The following GRM1 variants were observed in gnomAD, a reference collection of about 807,000 sequenced individuals.
The protein encoded by GRM1 is metabotropic glutamate receptor 1.
A neutral mutation model predicts 90.9 loss-of-function variants in GRM1; 33 were observed. That is an observed-to-expected ratio of 0.36 (90% CI 0.28 to 0.49). The LOEUF is 0.49. Among genes scored for constraint, GRM1 ranks in the 20% least tolerant of loss-of-function variants. GRM1 has a pLI of 0.99. For missense variants in GRM1, 1,190 were observed against 1,534.3 expected (o/e 0.78, Z 3.75); for synonymous variants, 700 against 613.2 (o/e 1.14, Z -2.09).
At chr6:146,146,952 C>T (rs537160799) in intron 1 of GRM1, among the ~76,000 whole-genome samples, 2 of 152,348 alleles carry the variant, frequency 1.3e-5, no homozygotes, top group South Asian at 4.1e-4. Flanking sequence ...ATGGCTGCTA[C>T]ACCTCCAGGC....
intron 2 of GRM1, among the ~76,000 whole-genome samples, chr6:146,203,156 A>G (rs571782494): frequency 1.3e-5 from 2 of 151,908 alleles, no homozygotes; most frequent in African/African-American, 2.4e-5. Context: ...ATAGCGCCAC[A>G]TCACTCCAGC....
chr6:146,399,745 GTCTCTT>G lies in GRM1; in HGVS notation c.2660+52_2660+57del. On this transcript the variant is annotated intron_variant, in intron 7 of 7. Coordinates refer to ENST00000282753, the MANE Select transcript of GRM1 (RefSeq NM_001278064.2). The surrounding 1 kb of genome is among the most constrained non-coding windows in gnomAD (Gnocchi z 5.4). ...GTCTCTCTTTTCTCTTCCTTTCTCT[GTCTCTT>G]TCTCTCTCTCTCTCTCTCTCTCTTT... 3 of 1,299,658 alleles carry G rather than the reference GTCTCTT, an allele frequency of 2.3e-6. No individual in the cohort carries two copies. Among genetic ancestry groups the G allele is most frequent in the African/African-American group, 3.2e-5 (2 of 63,184 alleles). The allele number at this position is 1,299,658 out of a possible 1,614,324, so 80.5% of individuals were successfully genotyped here.
intron 2 of GRM1, among the ~76,000 whole-genome samples, chr6:146,214,811 G>A (rs570334293): frequency 6.6e-6 from 1 of 152,140 alleles, no homozygotes. Context: ...AGAGGGAAAT[G>A]CATGAAGTTC....
At chr6:146,074,340 G>T (rs1194290445) in intron 1 of GRM1, among the ~76,000 whole-genome samples, 2 of 152,224 alleles carry the variant, frequency 1.3e-5, no homozygotes, top group African/African-American at 4.8e-5. Context: ...CACAGGAGGA[G>T]TTTAAGAAGA....
intron 3 of GRM1, among the ~76,000 whole-genome samples, chr6:146,312,948 T>C (rs1442300047): frequency 6.6e-6 from 1 of 152,256 alleles, no homozygotes; most frequent in African/African-American, 2.4e-5. Flanking sequence ...CATGTCATTT[T>C]TAATATTGGA....
chr6:146,253,750 A>C (rs968943334), intron 2 of GRM1, among the ~76,000 whole-genome samples: 2 of 152,180 alleles, frequency 1.3e-5, no homozygotes, highest in Non-Finnish European at 2.9e-5. Context: ...ACTCAAACAA[A>C]ATAAGAACTA....
chr6:146,288,666 C>T (rs1056737671), intron 2 of GRM1, among the ~76,000 whole-genome samples: 9 of 151,960 alleles, frequency 5.9e-5, no homozygotes, highest in Non-Finnish European at 7.4e-5. Flanking sequence ...CCACCATGCC[C>T]GGCTAATTTT....
chr6:146,055,068 G>C (rs2128850761), intron 1 of GRM1, among the ~76,000 whole-genome samples: 1 of 152,182 alleles, frequency 6.6e-6, no homozygotes, highest in African/African-American at 2.4e-5. Flanking sequence ...TGCATTTCTT[G>C]TTCATACTGT....
chr6:146,256,898 G>A (rs1336472002), intron 2 of GRM1, among the ~76,000 whole-genome samples: 2 of 152,072 alleles, frequency 1.3e-5, no homozygotes, highest in African/African-American at 4.8e-5. Flanking sequence ...GGTGTTCATG[G>A]CCCTCTACTG....
intron 1 of GRM1, among the ~76,000 whole-genome samples, chr6:146,100,920 A>C (rs1028730309): frequency 1.3e-5 from 2 of 152,216 alleles, no homozygotes; most frequent in Non-Finnish European, 2.9e-5. Context: ...CAACATAGTG[A>C]GATCCTGTTT....
chr6:146,413,682 A>G (rs927444613), intron 7 of GRM1, among the ~76,000 whole-genome samples: 1 of 152,202 alleles, frequency 6.6e-6, no homozygotes, highest in Non-Finnish European at 1.5e-5. Context: ...AACCTAGGAC[A>G]TTGCCCTCAC....
intron 1 of GRM1, among the ~76,000 whole-genome samples, chr6:146,042,936 G>T (rs1791169827): frequency 6.6e-6 from 1 of 151,950 alleles, no homozygotes; most frequent in South Asian, 2.1e-4. Context: ...CTCTCAAAGG[G>T]CCAGATAAGA....
Position 146,430,001 on chromosome 6 carries a change from C to T in GRM1, c.2661-3871C>T, listed in dbSNP as rs577672142. 3.4e-4 allele frequency among the ~76,000 whole-genome samples: 52 copies of T among 152,198 alleles called. 1 individual carries two copies. Among genetic ancestry groups the T allele is most frequent in the Non-Finnish European group, 6.0e-4 (41 of 68,012 alleles). On this transcript the variant is annotated intron_variant, in intron 7 of 7. Coordinates refer to ENST00000282753, the MANE Select transcript of GRM1 (RefSeq NM_001278064.2). ...TTCAGGCAGTTTGTGCAGGAGGCTT[C>T]CCTCCTGATGATCTCAAACACCCAC...
At chr6:146,093,916 G>C (rs1385260756) in intron 1 of GRM1, among the ~76,000 whole-genome samples, 1 of 152,020 alleles carries the variant, frequency 6.6e-6, no homozygotes, top group African/African-American at 2.4e-5. Context: ...ACTGTATTAA[G>C]AAGTCTCAGA....
In GRM1 at chr6:146,117,111, G is replaced by A. The variant is rs908859510; in HGVS notation, c.701-42237G>A. On this transcript the variant is annotated intron_variant, in intron 1 of 7. Coordinates refer to ENST00000282753, the MANE Select transcript of GRM1 (RefSeq NM_001278064.2). ...CTATTCTATGAATTTCTGTGTTTTT[G>A]TTTATAAGTTTCTCTTTCAATTTTC... is the stretch of plus-strand genomic sequence containing the variant. Among the ~76,000 whole-genome samples the A allele has an allele frequency of 8.1e-5, 12 of 148,732 alleles. No individual in the cohort carries two copies. In the East Asian group the frequency reaches 2.4e-3, roughly 29 times the overall value.
intron 2 of GRM1, among the ~76,000 whole-genome samples, chr6:146,257,494 T>A (rs1781523600): frequency 6.6e-6 from 1 of 150,704 alleles, no homozygotes; most frequent in Non-Finnish European, 1.5e-5. Flanking sequence ...CGTATGTGTG[T>A]GTCTGTCTGT....
intron 5 of GRM1, among the ~76,000 whole-genome samples, chr6:146,376,220 T>C (rs956584094): frequency 3.9e-5 from 6 of 152,182 alleles, no homozygotes; most frequent in African/African-American, 1.4e-4. Context: ...TCTATATTTA[T>C]CTTATTATAT....
chr6:146,300,949 C>T (rs1410122707), intron 2 of GRM1, among the ~76,000 whole-genome samples: 1 of 152,114 alleles, frequency 6.6e-6, no homozygotes, highest in East Asian at 1.9e-4. Flanking sequence ...AACGAAACAG[C>T]AAAAATCCTT....
intron 5 of GRM1, among the ~76,000 whole-genome samples, chr6:146,365,845 C>T (rs1309500522): frequency 6.6e-6 from 1 of 152,130 alleles, no homozygotes; most frequent in East Asian, 1.9e-4. Flanking sequence ...GAGGCAGGCA[C>T]CTATGGTACA....
Sources: allele counts gnomAD v4.1 joint callset (sites outside exome capture counted in the v4.1 genomes callset), GRCh38; gene constraint gnomAD v4.1.1; non-coding constraint Gnocchi (gnomAD v3.1); transcripts MANE v1.5; gene names NCBI Gene and HGNC (gene_info 2026-07-23, HGNC 2026-07-21).